The following IRAK2 variants were observed in gnomAD, a reference collection of about 807,000 sequenced individuals.
The protein encoded by IRAK2 is interleukin 1 receptor associated kinase 2.
IRAK2 carries 57 observed loss-of-function variants against 72.0 expected under a neutral mutation model. The ratio of observed to expected loss-of-function variants is 0.79; its 90% CI spans 0.64 to 0.99. The LOEUF (loss-of-function observed/expected upper bound fraction) is 0.99. Among genes scored for constraint, IRAK2 ranks in the 50% least tolerant of loss-of-function variants. The probability of loss-of-function intolerance (pLI) is 0.00; values close to 1 mark genes in which losing one functional copy is unlikely to be tolerated. For synonymous variants in IRAK2, 293 were observed against 312.7 expected (o/e 0.94, Z 0.67); for missense variants, 790 against 794.4 (o/e 0.99, Z 0.07).
chr3:10,197,713 G>A (rs1163147290), intron 2 of IRAK2, among the ~76,000 whole-genome samples: 4 of 150,660 alleles, frequency 2.7e-5, no homozygotes, highest in Admixed American at 6.6e-5. Flanking sequence ...TTAGCCGGGT[G>A]TGGTGGTGGG....
At position 10,234,577 on chromosome 3, in the gene IRAK2, G is replaced by A. The variant is rs1575991083; in HGVS notation, c.1391G>A (p.Gly464Glu). 3 of 1,613,842 alleles carry A rather than the reference G, an allele frequency of 1.9e-6. No individual in the cohort carries two copies. The highest frequency in any genetic ancestry group is 2.2e-5 in the East Asian group (1 of 44,872). Reference sequence around the variant, plus strand: ...CAGAAGTACCTGGAGAAGGGCGCAGGGAGGCTTCCGGAGGACTGCGCCGAG... The same window carrying A: ...CAGAAGTACCTGGAGAAGGGCGCAGAGAGGCTTCCGGAGGACTGCGCCGAG... ...ICQKYLEKGA[G>E]RLPEDCAEAL... is the part of the protein sequence containing the mutation. Residue 464 changes from glycine (G) to glutamate (E), a missense_variant, in exon 11 of 13, where the codon GGG becomes GAG. Physicochemically the swap from Gly to Glu is moderately conservative, Grantham distance 98. Transcript: ENST00000256458.
chr3:10,170,413 G>A (rs1280570984), intron 1 of IRAK2, among the ~76,000 whole-genome samples: 1 of 152,222 alleles, frequency 6.6e-6, no homozygotes, highest in Non-Finnish European at 1.5e-5. Flanking sequence ...GGCTTAGGAT[G>A]TGGATGTTTT....
At chr3:10,182,287 C>CTT (rs564399732) in intron 2 of IRAK2, among the ~76,000 whole-genome samples, 42,215 of 128,482 alleles carry the variant, frequency 0.33, 7,269 homozygotes, top group Non-Finnish European at 0.4. Context: ...TTCTTTTTTT[C>CTT]TTTTTTTTTT....
intron 2 of IRAK2, among the ~76,000 whole-genome samples, chr3:10,198,048 A>C (rs1281617415): frequency 2.7e-5 from 4 of 150,540 alleles, no homozygotes; most frequent in African/African-American, 9.8e-5. Context: ...AAATAGAAAA[A>C]ATTAGCCGGG....
At chr3:10,197,051 T>C (rs959646003) in intron 2 of IRAK2, among the ~76,000 whole-genome samples, 2 of 152,066 alleles carry the variant, frequency 1.3e-5, no homozygotes, top group African/African-American at 4.8e-5. Context: ...AAAAATTCTA[T>C]GATATGAATA....
chr3:10,208,491 C>T (rs1697465494), intron 3 of IRAK2, among the ~76,000 whole-genome samples: 1 of 151,844 alleles, frequency 6.6e-6, no homozygotes, highest in African/African-American at 2.4e-5. Flanking sequence ...GGACTGAGCG[C>T]AGTGGCTCAT....
intron 1 of IRAK2, among the ~76,000 whole-genome samples, chr3:10,172,315 A>G (rs1278967570): frequency 6.6e-6 from 1 of 150,878 alleles, no homozygotes; most frequent in East Asian, 2.0e-4. Context: ...TGCAGTGAGC[A>G]GAGATCGCAC....
Position 10,164,984 on chromosome 3 carries a change from C to T in IRAK2, c.30C>T (p.Ser10=), listed in dbSNP as rs200268545. ...CCTGCTACATCTACCAGCTGCCCTC[C>T]TGGGTGCTGGACGACCTGTGCCGCA... MACYIYQLP[S]WVLDDLCRNM... The change falls in exon 1 of 13, where the codon TCC becomes TCT. Residue 10 remains serine, a synonymous_variant. Transcript: ENST00000256458. The T allele has an allele frequency of 3.1e-6, 5 of 1,611,624 alleles. No individual in the cohort carries two copies. The African/African-American group carries it at 6.7e-5, about 22-fold the overall frequency.
intron 12 of IRAK2, among the ~76,000 whole-genome samples, chr3:10,240,719 C>T (rs1231073485): frequency 6.6e-6 from 1 of 151,032 alleles, no homozygotes; most frequent in African/African-American, 2.4e-5. Context: ...GCCACCATGC[C>T]TGGCTAATTT....
chr3:10,218,140 G>A (rs1447027358), intron 7 of IRAK2, among the ~76,000 whole-genome samples: 9 of 152,160 alleles, frequency 5.9e-5, no homozygotes, highest in Admixed American at 3.3e-4. Context: ...AATAGGTGAT[G>A]AGGCTGGGCA....
chr3:10,226,568 CA>C, intron 10 of IRAK2, 135 bp downstream of exon 10: 1 of 660,506 alleles, frequency 1.5e-6, no homozygotes, highest in Non-Finnish European at 2.7e-6. Flanking sequence ...TGCATCCCCA[CA>C]AAGCAGCTTT....
chr3:10,206,935 C>T (rs998019876), intron 3 of IRAK2, among the ~76,000 whole-genome samples: 1 of 150,666 alleles, frequency 6.6e-6, no homozygotes, highest in African/African-American at 2.4e-5. Flanking sequence ...CTCACGGCAA[C>T]CTTTGCCTCC....
At chr3:10,165,075 G>A in intron 1 of IRAK2, 27 bp downstream of exon 1, 1 of 1,577,342 alleles carries the variant, frequency 6.3e-7, no homozygotes, top group Non-Finnish European at 8.7e-7. Context: ...GAGGGGAGGG[G>A]ACCAGGGCGA....
intron 2 of IRAK2, among the ~76,000 whole-genome samples, chr3:10,199,884 CTTTT>C (rs145377518): frequency 2.4e-5 from 3 of 124,104 alleles, no homozygotes; most frequent in African/African-American, 6.8e-5. Context: ...AGCCACTGCT[CTTTT>C]TTTTTTTTTT....
intron 10 of IRAK2, among the ~76,000 whole-genome samples, chr3:10,232,125 T>TCAA (rs1343067311): frequency 3.5e-5 from 4 of 114,848 alleles, no homozygotes; most frequent in Admixed American, 1.0e-4. Flanking sequence ...AGACTCCGTC[T>TCAA]CAACAACAAC....
At chr3:10,202,058 T>C (rs904303336) in intron 3 of IRAK2, among the ~76,000 whole-genome samples, 1 of 152,232 alleles carries the variant, frequency 6.6e-6, no homozygotes, top group African/African-American at 2.4e-5. Context: ...TTAAATGTTA[T>C]CTGATATTAT....
Position 10,216,038 on chromosome 3 carries a change from G to A in IRAK2, c.789-896G>A, listed in dbSNP as rs530413907. Among the ~76,000 whole-genome samples the A allele has an allele frequency of 4.0e-4, 61 of 152,294 alleles. 2 individuals are homozygous for A. Among genetic ancestry groups the A allele is most frequent in the East Asian group, 1.9e-3 (10 of 5,188 alleles). ...AAAAGCGAGTAATAGGATGGCTTGCGGGAAGCAGAGGAGGGCGGAGAGATA... is the reference window on the plus strand; with the variant it reads ...AAAAGCGAGTAATAGGATGGCTTGCAGGAAGCAGAGGAGGGCGGAGAGATA... On this transcript the variant is annotated intron_variant, in intron 6 of 12. Transcript: ENST00000256458.
chr3:10,175,829 G>C (rs1696864273), intron 1 of IRAK2, among the ~76,000 whole-genome samples: 1 of 144,108 alleles, frequency 6.9e-6, no homozygotes, highest in African/African-American at 2.6e-5. Flanking sequence ...GGCGGAGCTT[G>C]CAGTGAGCTC....
At chr3:10,226,485 C>T (rs1697777513) in intron 10 of IRAK2, 52 bp downstream of exon 10, 2 of 1,457,284 alleles carry the variant, frequency 1.4e-6, no homozygotes, top group Non-Finnish European at 9.6e-7. Context: ...CCTCACAGCT[C>T]TGTAGAGAGG....
Sources: gnomAD v4.1 joint callset for allele counts (sites outside exome capture counted in the v4.1 genomes callset) on GRCh38, gnomAD v4.1.1 for gene constraint, MANE v1.5 for transcripts, NCBI Gene and HGNC (gene_info 2026-07-23, HGNC 2026-07-21) for gene names.